PRKG2: variants seen among roughly 807,000 people sequenced by gnomAD.
PRKG2 encodes the protein protein kinase cGMP-dependent 2, also known as cGMP-dependent protein kinase 2.
A neutral mutation model predicts 97.2 loss-of-function variants in PRKG2; 33 were observed. That is an observed-to-expected ratio of 0.34 (90% CI 0.26 to 0.45). PRKG2 has a LOEUF of 0.45. Among genes scored for constraint, PRKG2 ranks in the 20% least tolerant of loss-of-function variants. The probability of loss-of-function intolerance (pLI) is 1.00; values close to 1 mark genes in which losing one functional copy is unlikely to be tolerated. For missense variants in PRKG2, 638 were observed against 900.0 expected (o/e 0.71, Z 3.73); for synonymous variants, 330 against 321.8 (o/e 1.03, Z -0.27).
upstream of PRKG2, among the ~76,000 whole-genome samples, chr4:81,217,406 T>G (rs1012942275): frequency 3.3e-5 from 5 of 152,114 alleles, no homozygotes; most frequent in African/African-American, 1.2e-4. Context: ...TAGGAAGAGT[T>G]TGAGGGGGAA....
At chr4:81,166,521 G>A (rs1287771784) in intron 6 of PRKG2, among the ~76,000 whole-genome samples, 1 of 152,024 alleles carries the variant, frequency 6.6e-6, no homozygotes, top group Non-Finnish European at 1.5e-5. Context: ...TAGAATCCAA[G>A]GTACATGTCG....
intron 14 of PRKG2, among the ~76,000 whole-genome samples, chr4:81,114,711 T>A (rs2109989555): frequency 6.6e-6 from 1 of 152,292 alleles, no homozygotes; most frequent in South Asian, 2.1e-4. Context: ...ACCAACAGTT[T>A]AATAACTAAA....
Position 81,153,729 on chromosome 4 carries a change from G to A in PRKG2, c.913-8C>T, listed in dbSNP as rs775462273. On this transcript the variant is annotated splice_region_variant and splice_polypyrimidine_tract_variant and intron_variant, in intron 6 of 18. Transcript: ENST00000264399. ...TCCTTTGTCATAGTATTCCTGTTGG[G>A]ATGAGAGAGAAAGAAAATGTAAGAG... The A allele has an allele frequency of 1.3e-6, 2 of 1,588,596 alleles. No homozygotes were observed. Among genetic ancestry groups the A allele is most frequent in the Non-Finnish European group, 1.7e-6 (2 of 1,157,282 alleles).
intron 17 of PRKG2, among the ~76,000 whole-genome samples, chr4:81,099,990 G>T (rs1244618353): frequency 2.6e-5 from 4 of 152,200 alleles, no homozygotes; most frequent in African/African-American, 7.2e-5. Context: ...AAAATACCCA[G>T]GAATCCAACT....
chr4:81,104,929 A>G (rs1211263789), intron 16 of PRKG2, among the ~76,000 whole-genome samples: 1 of 152,204 alleles, frequency 6.6e-6, no homozygotes, highest in East Asian at 1.9e-4. Context: ...CTATTCTCTG[A>G]TAAATTATTT....
intron 14 of PRKG2, among the ~76,000 whole-genome samples, chr4:81,121,322 T>G (rs1380825309): frequency 6.6e-6 from 1 of 152,132 alleles, no homozygotes; most frequent in Non-Finnish European, 1.5e-5. Flanking sequence ...ATAAAATCAG[T>G]TATGGAGTAT....
intron 2 of PRKG2, among the ~76,000 whole-genome samples, chr4:81,190,228 A>G (rs1752361357): frequency 6.6e-6 from 1 of 152,318 alleles, no homozygotes; most frequent in Non-Finnish European, 1.5e-5. Flanking sequence ...ACCAAAACAG[A>G]TATGTAGACC....
chr4:81,132,826 C>A (rs1384150176), intron 14 of PRKG2, among the ~76,000 whole-genome samples: 1 of 152,038 alleles, frequency 6.6e-6, no homozygotes, highest in Non-Finnish European at 1.5e-5. Context: ...CTGATCCTTG[C>A]TCATTTTTTA....
intron 15 of PRKG2, among the ~76,000 whole-genome samples, chr4:81,107,892 T>G (rs1333894345): frequency 6.6e-6 from 1 of 152,134 alleles, no homozygotes; most frequent in Non-Finnish European, 1.5e-5. Context: ...ACATTTTAAC[T>G]CATATACTTT....
intron 6 of PRKG2, among the ~76,000 whole-genome samples, chr4:81,156,366 G>A (rs1353035001): frequency 1.3e-5 from 2 of 152,128 alleles, no homozygotes; most frequent in Admixed American, 1.3e-4. Flanking sequence ...GATCAATTCA[G>A]CAAGAAGAGC....
At chr4:81,177,178 T>C (rs1227271291) in intron 2 of PRKG2, among the ~76,000 whole-genome samples, 2 of 152,192 alleles carry the variant, frequency 1.3e-5, no homozygotes, top group African/African-American at 2.4e-5. Flanking sequence ...ATCCTTTCTT[T>C]CTCCTGTGAA....
chr4:81,135,262 C>T lies in PRKG2; in HGVS notation c.1669G>A (p.Val557Ile), dbSNP rs745754260. The T allele has an allele frequency of 2.1e-5, 34 of 1,612,896 alleles. No individual in the cohort carries two copies. The Admixed American group carries it at 2.8e-4, about 13-fold the overall frequency. Residue 557 changes from valine (V) to isoleucine (I), a missense_variant, in exon 14 of 19, where the codon GTT becomes ATT. Coordinates refer to ENST00000264399, the MANE Select transcript of PRKG2 (RefSeq NM_006259.3). ...TCAAATGCTTCTGTCACACAAGCAA[C>T]GCAGAATTTGGAGGTGGGTTCATCA... ...SFDEPTSKFC[V>I]ACVTEAFDYL...
At chr4:81,117,111 GC>G (rs1000928712) in intron 14 of PRKG2, among the ~76,000 whole-genome samples, 1 of 146,348 alleles carries the variant, frequency 6.8e-6, no homozygotes, top group Non-Finnish European at 1.5e-5. Context: ...TCCCATCTCA[GC>G]CTCCCAAGTA....
At chr4:81,148,466 T>C (rs913975365) in intron 9 of PRKG2, among the ~76,000 whole-genome samples, 2 of 152,194 alleles carry the variant, frequency 1.3e-5, no homozygotes, top group African/African-American at 2.4e-5. Context: ...TGGAAAAATA[T>C]GTAGCTAATA....
chr4:81,157,017 G>T (rs1402119179), intron 6 of PRKG2, among the ~76,000 whole-genome samples: 1 of 152,074 alleles, frequency 6.6e-6, no homozygotes, highest in Admixed American at 6.6e-5. Context: ...ACAATTAAAA[G>T]AACTAGAAAA....
intron 11 of PRKG2, 35 bp from the exon 12 acceptor site, chr4:81,140,704 C>A: frequency 6.4e-7 from 1 of 1,557,402 alleles, no homozygotes; most frequent in Non-Finnish European, 8.8e-7. Flanking sequence ...TCAAAATTAA[C>A]TTATATCTAT....
intron 15 of PRKG2, among the ~76,000 whole-genome samples, chr4:81,108,435 T>C (rs922362600): frequency 2.0e-5 from 3 of 151,906 alleles, no homozygotes; most frequent in Non-Finnish European, 4.4e-5. Context: ...ACCAAAAACA[T>C]TGTTATGATA....
chr4:81,133,725 T>C (rs1000068402), intron 14 of PRKG2, among the ~76,000 whole-genome samples: 13 of 152,304 alleles, frequency 8.5e-5, no homozygotes, highest in Non-Finnish European at 1.5e-4. Context: ...GTTTAGCTGA[T>C]TGGCAAATGA....
At chr4:81,160,942 T>C (rs568178886) in intron 6 of PRKG2, among the ~76,000 whole-genome samples, 1 of 152,280 alleles carries the variant, frequency 6.6e-6, no homozygotes, top group African/African-American at 2.4e-5. Flanking sequence ...AGAACTAAGA[T>C]GGATCTCTTA....
Sources: gnomAD v4.1 joint callset for allele counts (sites outside exome capture counted in the v4.1 genomes callset) on GRCh38, gnomAD v4.1.1 for gene constraint, MANE v1.5 for transcripts, NCBI Gene and HGNC (gene_info 2026-07-23, HGNC 2026-07-21) for gene names.